C9orf152: variants seen among roughly 807,000 people sequenced by gnomAD.
The protein encoded by C9orf152 is uncharacterized protein C9orf152.
C9orf152 carries 8 observed loss-of-function variants against 8.5 expected under a neutral mutation model. The ratio of observed to expected loss-of-function variants is 0.94; its 90% CI spans 0.55 to 1.70. The LOEUF (loss-of-function observed/expected upper bound fraction) is 1.70. Ranked by LOEUF, C9orf152 falls within the 40% of genes most tolerant of loss-of-function variation. C9orf152 has a pLI of 0.00. For synonymous variants in C9orf152, 109 were observed against 113.0 expected (o/e 0.96, Z 0.22); for missense variants, 293 against 286.2 (o/e 1.02, Z -0.17).
Position 110,207,424 on chromosome 9 carries a change from C to G in C9orf152, c.156G>C (p.Gln52His). 6.2e-7 allele frequency: 1 copy of G among 1,613,252 alleles called. No homozygotes were observed. Among genetic ancestry groups the G allele is most frequent in the Non-Finnish European group, 8.5e-7 (1 of 1,179,602 alleles). The change falls in exon 1 of 2, where the codon CAG (glutamine) becomes CAC (histidine). Residue 52 changes from glutamine to histidine, a missense_variant. Transcript: ENST00000400613. ...LRAQYEGLKR[Q>H]QRTQAHLLVL... The stretch of plus-strand genomic sequence containing the variant: ...CCAGGAGGTGGGCCTGGGTCCTCTG[C>G]TGCCTCTTCAAGCCTTCATACTGGG...
intron 1 of C9orf152, among the ~76,000 whole-genome samples, chr9:110,206,140 C>T (rs181275683): frequency 6.6e-6 from 1 of 151,868 alleles, no homozygotes; most frequent in Admixed American, 6.6e-5. Context: ...GAAGTCTTCT[C>T]GGAGAAAGCC....
intron 1 of C9orf152, among the ~76,000 whole-genome samples, chr9:110,201,915 G>T (rs541785400): frequency 3.3e-5 from 5 of 152,248 alleles, no homozygotes; most frequent in African/African-American, 1.2e-4. Context: ...TGAAGTGGAG[G>T]AGTAAACTCT....
At position 110,201,335 on chromosome 9, in the gene C9orf152, C is replaced by T. The variant is rs115367896; in HGVS notation, c.333G>A (p.Gln111=). 5.5e-4 allele frequency: 890 copies of T among 1,612,182 alleles called. 2 individuals are homozygous for T. The African/African-American group carries it at 8.9e-3, about 16-fold the overall frequency. The part of the protein sequence containing the change: ...RLEEAAQGCL[Q]APKSPWHTHL... ...GCGTGTGCCATGGAGACTTGGGGGC[C>T]TGAAGGCAGCCCTGGGCAGCCTCCT... is the stretch of plus-strand genomic sequence containing the variant. Residue 111 remains glutamine (Q), a synonymous_variant, in exon 2 of 2, where the codon CAG becomes CAA. Transcript: ENST00000400613.
At position 110,204,274 on chromosome 9, in the gene C9orf152, A is replaced by G. The variant is rs562136524; in HGVS notation, c.194-2800T>C. Among the ~76,000 whole-genome samples the G allele has an allele frequency of 3.9e-3, 589 of 152,340 alleles. 5 individuals carry two copies. The highest frequency in any genetic ancestry group is 0.014 in the African/African-American group (566 of 41,578). On this transcript the variant is annotated intron_variant, in intron 1 of 1. Transcript: ENST00000400613. ...GAAAGTAGCTCAAGGTCCCCTGGGT[A>G]CTTACGTTGCATCAGGGAAGGCACG... is the stretch of plus-strand genomic sequence containing the variant.
Position 110,201,069 on chromosome 9 carries a change from C to T in C9orf152, c.599G>A (p.Cys200Tyr), listed in dbSNP as rs1379965502. Residue 200 changes from cysteine (C) to tyrosine (Y), a missense_variant, in exon 2 of 2, where the codon TGT becomes TAT. Coordinates refer to ENST00000400613, the MANE Select transcript of C9orf152 (RefSeq NM_001012993.3). The stretch of plus-strand genomic sequence containing the variant: ...GTGTGGGTTCTTTATGGAAAGAGGA[C>T]ATTGAGTGCTGAATTTTAAGCCAGA... Reference protein sequence around the residue: ...VESGLKFSTQCPLSIKNPHRS... With the variant: ...VESGLKFSTQYPLSIKNPHRS... The T allele has an allele frequency of 6.2e-7, 1 of 1,614,072 alleles. No homozygotes were observed. Among genetic ancestry groups the T allele is most frequent in the African/African-American group, 1.3e-5 (1 of 74,924 alleles).
chr9:110,206,907 C>A (rs562037218), intron 1 of C9orf152, among the ~76,000 whole-genome samples: 1 of 152,222 alleles, frequency 6.6e-6, no homozygotes, highest in Non-Finnish European at 1.5e-5. Flanking sequence ...TCCAATCACA[C>A]CTCCCTGCCT....
chr9:110,201,333 G>T lies in C9orf152; in HGVS notation c.335C>A (p.Ala112Asp), dbSNP rs1366631960. 3.7e-6 allele frequency: 6 copies of T among 1,612,048 alleles called. No individual in the cohort carries two copies. The South Asian group carries it at 4.4e-5, about 12-fold the overall frequency. ...GTGCGTGTGCCATGGAGACTTGGGG[G>T]CCTGAAGGCAGCCCTGGGCAGCCTC... ...LEEAAQGCLQAPKSPWHTHLE... is the reference protein window; with the variant it reads ...LEEAAQGCLQDPKSPWHTHLE... Residue 112 changes from alanine (A) to aspartate (D), a missense_variant, in exon 2 of 2, where the codon GCC becomes GAC. Ala to Asp is a moderately radical substitution (Grantham distance 126, BLOSUM62 -2). Transcript: ENST00000400613.
At chr9:110,201,554 A>C in intron 1 of C9orf152, 80 bp from the exon 2 acceptor site, 1 of 1,198,920 alleles carries the variant, frequency 8.3e-7, no homozygotes, top group Non-Finnish European at 1.1e-6. Flanking sequence ...ATTGCTTTCA[A>C]GCTGAAGGAA....
chr9:110,206,817 C>T lies in C9orf152; in HGVS notation c.193+570G>A, dbSNP rs1250317255. Reference sequence around the variant, plus strand: ...TTTGACATGCCCTTGCTTTCTGAGCCCTGTGCCTCTAACTCCCTCCTGGAA... The same window carrying T: ...TTTGACATGCCCTTGCTTTCTGAGCTCTGTGCCTCTAACTCCCTCCTGGAA... On this transcript the variant is annotated intron_variant, in intron 1 of 1. Coordinates refer to ENST00000400613, the MANE Select transcript of C9orf152 (RefSeq NM_001012993.3). 3.9e-5 allele frequency among the ~76,000 whole-genome samples: 6 copies of T among 152,214 alleles called. 1 individual carries two copies. The highest frequency in any genetic ancestry group is 3.9e-4 in the Admixed American group (6 of 15,282).
Position 110,201,128 on chromosome 9 carries a change from G to T in C9orf152, c.540C>A (p.Cys180Ter), listed in dbSNP as rs769440312. ...CCTTTGTTTGGGTATTGCCCACCTG[G>T]CATGGAAGCTGGGCAGCCTCTGGGA... ...TGIPEAAQLP[C>*]QVGNTQTKAV... Residue 180 changes from cysteine to a stop codon, truncating the protein, a stop_gained, in exon 2 of 2, where the codon TGC becomes TGA. Transcript: ENST00000400613. LOFTEE classifies it low-confidence loss of function (END_TRUNC). 1 of 1,614,080 alleles carries T rather than the reference G, an allele frequency of 6.2e-7. No homozygotes were observed. The highest frequency in any genetic ancestry group is 8.5e-7 in the Non-Finnish European group (1 of 1,180,034).
At chr9:110,206,645 C>T (rs923882583) in intron 1 of C9orf152, among the ~76,000 whole-genome samples, 1 of 152,206 alleles carries the variant, frequency 6.6e-6, no homozygotes, top group African/African-American at 2.4e-5. Flanking sequence ...CTGATTCCTG[C>T]CCAGTCTGGC....
intron 1 of C9orf152, among the ~76,000 whole-genome samples, chr9:110,204,532 G>A (rs976406720): frequency 6.6e-6 from 1 of 152,154 alleles, no homozygotes; most frequent in Admixed American, 6.5e-5. Context: ...TGAGGATCAC[G>A]GTCCTCTAAA....
chr9:110,207,836 GA>G lies in C9orf152; in HGVS notation c.-258del. 2.2e-6 allele frequency: 1 copy of G among 447,110 alleles called. No individual in the cohort carries two copies. The highest frequency in any genetic ancestry group is 3.9e-6 in the Non-Finnish European group (1 of 255,426). 27.7% of individuals were successfully genotyped at this position (447,110 alleles called of 1,614,324 possible). A position where few individuals can be genotyped will look rare whatever the true frequency, so the allele number is the denominator to read the frequency against. On this transcript the variant is annotated 5_prime_UTR_variant, in exon 1 of 2. Coordinates refer to ENST00000400613, the MANE Select transcript of C9orf152 (RefSeq NM_001012993.3). ...GTAAGAGGAGAAGGAAATGTCAGAG[GA>G]AAGAAGGGGCAGCGAAGGGGGAAAG...
Position 110,201,334 on chromosome 9 carries a change from C to T in C9orf152, c.334G>A (p.Ala112Thr), listed in dbSNP as rs773642922. ...LEEAAQGCLQ[A>T]PKSPWHTHLE... ...TGCGTGTGCCATGGAGACTTGGGGG[C>T]CTGAAGGCAGCCCTGGGCAGCCTCC... Residue 112 changes from alanine to threonine, a missense_variant, in exon 2 of 2, where the codon GCC becomes ACC. Ala to Thr is a moderately conservative substitution (Grantham distance 58, BLOSUM62 0). Transcript: ENST00000400613. 99 of 1,611,996 alleles carry T rather than the reference C, an allele frequency of 6.1e-5. No homozygotes were observed. The highest frequency in any genetic ancestry group is 7.9e-5 in the Non-Finnish European group (93 of 1,178,982).
At chr9:110,202,163 C>A (rs548641466) in intron 1 of C9orf152, among the ~76,000 whole-genome samples, 39 of 152,312 alleles carry the variant, frequency 2.6e-4, no homozygotes, top group African/African-American at 5.8e-4. Context: ...TCACTGCAAC[C>A]TCCACCTCCT....
rs1431147384 is a variant in C9orf152 at position 110,208,023 on chromosome 9, A to C, written c.-444T>G. 1 of 179,032 alleles carries C rather than the reference A, an allele frequency of 5.6e-6. No homozygotes were observed. Among genetic ancestry groups the C allele is most frequent in the African/African-American group, 2.4e-5 (1 of 41,536 alleles). 11.1% of individuals were successfully genotyped at this position (179,032 alleles called of 1,614,324 possible). On this transcript the variant is annotated 5_prime_UTR_variant, in exon 1 of 2. Transcript: ENST00000400613. ...GACTGGGGGAGCAAAGAGAAAGGCA[A>C]GCCCAGCTGCTCAGAGCCCTTCAGG...
At chr9:110,203,412 T>C (rs1837243583) in intron 1 of C9orf152, among the ~76,000 whole-genome samples, 1 of 152,172 alleles carries the variant, frequency 6.6e-6, no homozygotes, top group African/African-American at 2.4e-5. Flanking sequence ...TAGAAACTGG[T>C]ATCCTAGCAT....
chr9:110,202,657 T>C (rs1837236803), intron 1 of C9orf152, among the ~76,000 whole-genome samples: 2 of 152,212 alleles, frequency 1.3e-5, no homozygotes, highest in South Asian at 2.1e-4. Context: ...GTGAGAGGTA[T>C]TGGAATGACT....
At chr9:110,206,478 G>A (rs1230584118) in intron 1 of C9orf152, among the ~76,000 whole-genome samples, 2 of 152,232 alleles carry the variant, frequency 1.3e-5, no homozygotes, top group East Asian at 3.8e-4. Flanking sequence ...GATGGTGACT[G>A]TTTGGCTGTG....
Sources: allele counts gnomAD v4.1 joint callset (sites outside exome capture counted in the v4.1 genomes callset), GRCh38; gene constraint gnomAD v4.1.1; transcripts MANE v1.5; gene names NCBI Gene and HGNC (gene_info 2026-07-23, HGNC 2026-07-21).